The following SEC31A variants were observed in gnomAD, a reference collection of about 807,000 sequenced individuals.
SEC31A encodes SEC31 homolog A, COPII component, also known as protein transport protein Sec31A.
A neutral mutation model predicts 151.0 loss-of-function variants in SEC31A; 70 were observed. The observed-to-expected ratio is 0.46, with a 90% CI of 0.38 to 0.57. SEC31A has a LOEUF of 0.57. Ranked by LOEUF, SEC31A falls within the 20% of genes least tolerant of loss-of-function variation. The pLI is 0.00. For missense variants in SEC31A, 1,330 were observed against 1,471.2 expected (o/e 0.90, Z 1.57); for synonymous variants, 475 against 505.9 (o/e 0.94, Z 0.82).
rs1283906531 is a variant in SEC31A at position 82,839,079 on chromosome 4, C to G, written c.2968+3061G>C. On this transcript the variant is annotated intron_variant, in intron 22 of 26. Transcript: ENST00000395310. ...TGCAACCTCTGCTCCGGAGTTCAAG[C>G]GATTCTCCTGCCTCAGCCTCCTGAG... 3.3e-5 allele frequency among the ~76,000 whole-genome samples: 5 copies of G among 152,070 alleles called. No homozygotes were observed. In the South Asian group the frequency reaches 1.0e-3, roughly 31 times the overall value.
chr4:82,885,811 T>C (rs1363128627), intron 1 of SEC31A, among the ~76,000 whole-genome samples: 1 of 152,184 alleles, frequency 6.6e-6, no homozygotes. Flanking sequence ...TCACTTTTGT[T>C]CCAGTCTCAG....
chr4:82,877,352 G>A (rs1398384191), intron 4 of SEC31A: 1 of 149,506 alleles, frequency 6.7e-6, no homozygotes, highest in Non-Finnish European at 1.5e-5. Flanking sequence ...ATTTTTGGTT[G>A]TTATAATCTA....
intron 19 of SEC31A, among the ~76,000 whole-genome samples, 170 bp from the exon 20 acceptor site, chr4:82,849,147 C>G (rs1730872801): frequency 2.0e-5 from 3 of 152,160 alleles, no homozygotes; most frequent in Admixed American, 2.0e-4. Context: ...TTCTACTACT[C>G]AAGACTGGCA....
intron 22 of SEC31A, 42 bp from the exon 23 acceptor site, chr4:82,829,100 A>C (rs1725324516): frequency 6.6e-7 from 1 of 1,515,802 alleles, no homozygotes; most frequent in African/African-American, 1.4e-5. Flanking sequence ...AGAATCCTGA[A>C]AGGAAAAAAA....
At chr4:82,878,427 G>C (rs999829264) in intron 4 of SEC31A, among the ~76,000 whole-genome samples, 13 of 152,286 alleles carry the variant, frequency 8.5e-5, no homozygotes, top group Middle Eastern at 6.8e-3. Flanking sequence ...CCAGGAGGCA[G>C]AGGTTGCAGT....
At chr4:82,879,371 G>GAA (rs10629800) in intron 3 of SEC31A, among the ~76,000 whole-genome samples, 67,873 of 143,342 alleles carry the variant, frequency 0.47, 16,718 homozygotes, top group East Asian at 0.73. Flanking sequence ...ACCTTTGTCT[G>GAA]AAAAAAAAAA....
chr4:82,886,084 T>C (rs1740637766), intron 1 of SEC31A, among the ~76,000 whole-genome samples: 1 of 152,132 alleles, frequency 6.6e-6, no homozygotes. Flanking sequence ...AGCTCCAGAG[T>C]TCTTTCTACT....
intron 10 of SEC31A, among the ~76,000 whole-genome samples, chr4:82,866,587 A>T (rs997120433): frequency 1.3e-5 from 2 of 152,160 alleles, no homozygotes; most frequent in Non-Finnish European, 2.9e-5. Flanking sequence ...AATGAACAAA[A>T]TGATCAATTT....
chr4:82,826,997 A>G (rs1238725723), intron 24 of SEC31A, among the ~76,000 whole-genome samples: 1 of 152,244 alleles, frequency 6.6e-6, no homozygotes, highest in Admixed American at 6.5e-5. Context: ...TTTTATACAT[A>G]CACATAAAAA....
intron 3 of SEC31A, among the ~76,000 whole-genome samples, chr4:82,879,645 A>G (rs1253119004): frequency 2.0e-5 from 3 of 152,234 alleles, no homozygotes; most frequent in Non-Finnish European, 4.4e-5. Context: ...CCACTGTGAC[A>G]GCTCTGAAGA....
At chr4:82,829,108 A>G in intron 22 of SEC31A, 50 bp from the exon 23 acceptor site, 1 of 1,454,264 alleles carries the variant, frequency 6.9e-7, no homozygotes, top group African/African-American at 1.4e-5. Context: ...GAAAGGAAAA[A>G]AAATAAAACT....
At chr4:82,871,863 G>A in intron 7 of SEC31A, 81 bp downstream of exon 7, 1 of 1,579,788 alleles carries the variant, frequency 6.3e-7, no homozygotes, top group Non-Finnish European at 8.7e-7. Flanking sequence ...TGTGTCCTAT[G>A]GTGTATTTCT....
chr4:82,834,562 G>A (rs533151832), intron 22 of SEC31A, among the ~76,000 whole-genome samples: 1 of 152,250 alleles, frequency 6.6e-6, no homozygotes, highest in South Asian at 2.1e-4. Context: ...AAGGTCCGTT[G>A]GCTAGCCTGA....
chr4:82,893,471 T>C (rs1719931472), upstream of SEC31A: 1 of 152,246 alleles, frequency 6.6e-6, no homozygotes, highest in Admixed American at 6.5e-5. Flanking sequence ...GATACATGAA[T>C]GTTTATGTAA....
At chr4:82,881,824 G>A in intron 2 of SEC31A, 34 bp downstream of exon 2, 5 of 1,508,538 alleles carry the variant, frequency 3.3e-6, no homozygotes, top group Non-Finnish European at 4.6e-6. Context: ...AAGAAATTAG[G>A]TAACTCATAC....
chr4:82,854,495 AC>A (rs1732189587), intron 17 of SEC31A, among the ~76,000 whole-genome samples: 1 of 152,080 alleles, frequency 6.6e-6, no homozygotes, highest in Non-Finnish European at 1.5e-5. Context: ...TTCCTTGGCC[AC>A]CAGTTTAGTC....
intron 5 of SEC31A, among the ~76,000 whole-genome samples, chr4:82,875,147 T>C (rs974121906): frequency 1.3e-5 from 2 of 152,198 alleles, no homozygotes; most frequent in Non-Finnish European, 2.9e-5. Flanking sequence ...AATACCTTTA[T>C]AAATGGTAGT....
intron 8 of SEC31A, among the ~76,000 whole-genome samples, chr4:82,868,260 A>G (rs1318744780): frequency 6.6e-6 from 1 of 152,154 alleles, no homozygotes; most frequent in Non-Finnish European, 1.5e-5. Context: ...GCACTTTGGT[A>G]GGCTGAGGTG....
At chr4:82,827,046 G>A (rs1336163752) in intron 24 of SEC31A, among the ~76,000 whole-genome samples, 2 of 152,074 alleles carry the variant, frequency 1.3e-5, no homozygotes, top group Non-Finnish European at 2.9e-5. Flanking sequence ...ATTTTAAGGA[G>A]AAAAATCTTT....
Sources: gnomAD v4.1 joint callset for allele counts (sites outside exome capture counted in the v4.1 genomes callset) on GRCh38, gnomAD v4.1.1 for gene constraint, MANE v1.5 for transcripts, NCBI Gene and HGNC (gene_info 2026-07-23, HGNC 2026-07-21) for gene names.